The following NRG3 variants were observed in gnomAD, a reference collection of about 807,000 sequenced individuals.
The protein encoded by NRG3 is pro-neuregulin-3, membrane-bound isoform.
Under a neutral mutation model 66.9 loss-of-function variants are expected in NRG3, and 31 were observed. That is an observed-to-expected ratio of 0.46 (90% CI 0.35 to 0.63). The LOEUF (loss-of-function observed/expected upper bound fraction) is 0.63, where lower values mean the gene tolerates loss of function less well. Among genes scored for constraint, NRG3 ranks in the 20% least tolerant of loss-of-function variants. NRG3 has a pLI of 0.00. For synonymous variants in NRG3, 393 were observed against 359.4 expected (o/e 1.09, Z -1.06); for missense variants, 910 against 878.9 (o/e 1.04, Z -0.45).
At chr10:82,779,113 G>A (rs1056640537) in intron 3 of NRG3, among the ~76,000 whole-genome samples, 9 of 152,106 alleles carry the variant, frequency 5.9e-5, no homozygotes, top group Non-Finnish European at 8.8e-5. Context: ...GTAGCAGCAC[G>A]GACCACAGGG....
chr10:81,954,028 A>G (rs919600346), intron 1 of NRG3, among the ~76,000 whole-genome samples: 2 of 152,192 alleles, frequency 1.3e-5, no homozygotes, highest in African/African-American at 4.8e-5. Context: ...ATTCTAAATC[A>G]ATATATTTGC....
At chr10:82,900,288 A>C (rs1185720911) in intron 4 of NRG3, among the ~76,000 whole-genome samples, 6 of 152,180 alleles carry the variant, frequency 3.9e-5, no homozygotes, top group African/African-American at 1.2e-4. Flanking sequence ...TTGGGTGGGG[A>C]CACGCATCCA....
intron 2 of NRG3, among the ~76,000 whole-genome samples, chr10:82,377,717 AGTCATGGTGTGTCTGTATT>A (rs2085344346): frequency 1.3e-5 from 2 of 152,172 alleles, no homozygotes; most frequent in Admixed American, 6.5e-5. Flanking sequence ...CCTAGAGAAC[AGTCATGGTGTGTCTGTATT>A]GTCACATGGT....
chr10:82,748,858 A>G (rs1052761453), intron 3 of NRG3, among the ~76,000 whole-genome samples: 1 of 151,992 alleles, frequency 6.6e-6, no homozygotes, highest in Non-Finnish European at 1.5e-5. Flanking sequence ...CACTTAGTCA[A>G]TGGAAGCACT....
At chr10:82,519,631 G>A (rs1415589921) in intron 2 of NRG3, among the ~76,000 whole-genome samples, 1 of 152,132 alleles carries the variant, frequency 6.6e-6, no homozygotes, top group African/African-American at 2.4e-5. Context: ...GTGTATTCAA[G>A]CATATCAGTA....
At chr10:81,893,431 C>G (rs1843212691) in intron 1 of NRG3, among the ~76,000 whole-genome samples, 1 of 150,566 alleles carries the variant, frequency 6.6e-6, no homozygotes, top group Non-Finnish European at 1.5e-5. Flanking sequence ...TGAACATCCG[C>G]AGTATGGAAT....
intron 2 of NRG3, among the ~76,000 whole-genome samples, chr10:82,501,244 G>A (rs1416194981): frequency 6.6e-6 from 1 of 152,122 alleles, no homozygotes; most frequent in Non-Finnish European, 1.5e-5. Flanking sequence ...GTGGACTGGA[G>A]ATAGAGCTGC....
intron 1 of NRG3, among the ~76,000 whole-genome samples, chr10:81,979,839 A>G (rs1283031660): frequency 6.6e-6 from 1 of 152,240 alleles, no homozygotes; most frequent in Non-Finnish European, 1.5e-5. Flanking sequence ...ATTAATAGAC[A>G]GTTTAACCCA....
chr10:82,942,178 G>A lies in NRG3; in HGVS notation c.1055-9291G>A, dbSNP rs192622640. On this transcript the variant is annotated intron_variant, in intron 4 of 8. Transcript: ENST00000372141. Reference sequence around the variant, plus strand: ...CCCTATACCTGGAGGGGATATGGAGGTGCCATTTAGAACAGTTCCTGTTCC... The same window carrying A: ...CCCTATACCTGGAGGGGATATGGAGATGCCATTTAGAACAGTTCCTGTTCC... 1.3e-3 allele frequency among the ~76,000 whole-genome samples: 196 copies of A among 152,256 alleles called. 2 individuals carry two copies. Among genetic ancestry groups the A allele is most frequent in the Non-Finnish European group, 2.2e-3 (148 of 68,016 alleles).
intron 2 of NRG3, among the ~76,000 whole-genome samples, chr10:82,589,085 C>G (rs2133288961): frequency 6.6e-6 from 1 of 152,222 alleles, no homozygotes; most frequent in South Asian, 2.1e-4. Flanking sequence ...TACCCCAGTG[C>G]TTTCTTAGCA....
chr10:82,135,338 C>G (rs752201935), intron 1 of NRG3, among the ~76,000 whole-genome samples: 17 of 151,972 alleles, frequency 1.1e-4, no homozygotes, highest in Non-Finnish European at 2.4e-4. Flanking sequence ...GCTAAATCTG[C>G]TTGGCATGCT....
chr10:82,468,088 G>T (rs1840861523), intron 2 of NRG3, among the ~76,000 whole-genome samples: 1 of 152,174 alleles, frequency 6.6e-6, no homozygotes, highest in Non-Finnish European at 1.5e-5. Context: ...TGAAGTATTA[G>T]TGTCCTCTTT....
intron 1 of NRG3, among the ~76,000 whole-genome samples, chr10:82,266,528 C>T (rs1467330308): frequency 6.6e-6 from 1 of 152,132 alleles, no homozygotes; most frequent in Admixed American, 6.6e-5. Flanking sequence ...AGAGGTATTG[C>T]TCTCCTATCC....
At chr10:82,140,430 T>A (rs937206684) in intron 1 of NRG3, among the ~76,000 whole-genome samples, 23 of 152,224 alleles carry the variant, frequency 1.5e-4, no homozygotes, top group Non-Finnish European at 2.6e-4. Context: ...ACACTATCAA[T>A]TGGCTGATAT....
chr10:82,706,860 G>GGT (rs1355926520), intron 2 of NRG3, among the ~76,000 whole-genome samples: 2 of 151,750 alleles, frequency 1.3e-5, no homozygotes, highest in East Asian at 3.9e-4. Flanking sequence ...CAGGCGTGGT[G>GGT]GTGCACATCT....
intron 3 of NRG3, among the ~76,000 whole-genome samples, chr10:82,835,607 G>A (rs1027210633): frequency 4.6e-5 from 7 of 152,030 alleles, no homozygotes; most frequent in Admixed American, 2.6e-4. Flanking sequence ...CTTTTACAAA[G>A]CCAATGGTTG....
chr10:82,073,371 G>A (rs2064913244), intron 1 of NRG3, among the ~76,000 whole-genome samples: 1 of 152,046 alleles, frequency 6.6e-6, no homozygotes, highest in Non-Finnish European at 1.5e-5. Flanking sequence ...AGTCTGTCAG[G>A]GCATTAATCA....
chr10:82,667,370 C>T (rs1347774641), intron 2 of NRG3, among the ~76,000 whole-genome samples: 1 of 152,132 alleles, frequency 6.6e-6, no homozygotes, highest in East Asian at 1.9e-4. Context: ...AGAATGATGT[C>T]TCCAGCACCA....
At chr10:82,505,181 A>T (rs1844556100) in intron 2 of NRG3, among the ~76,000 whole-genome samples, 1 of 152,228 alleles carries the variant, frequency 6.6e-6, no homozygotes, top group African/African-American at 2.4e-5. Flanking sequence ...GGAAATGCAA[A>T]GTATTTAACT....
Sources: allele counts gnomAD v4.1 joint callset (sites outside exome capture counted in the v4.1 genomes callset), GRCh38; gene constraint gnomAD v4.1.1; transcripts MANE v1.5; gene names NCBI Gene and HGNC (gene_info 2026-07-23, HGNC 2026-07-21).